Variants in VWC2L observed in about 807,000 individuals in gnomAD.
The protein encoded by VWC2L is von Willebrand factor C domain containing 2 like.
In VWC2L, 10 loss-of-function variants were observed where a neutral mutation model predicts 21.6. The ratio of observed to expected loss-of-function variants is 0.46; its 90% confidence interval spans 0.29 to 0.78. VWC2L has a LOEUF of 0.78. Ranked by LOEUF, VWC2L falls within the 30% of genes least tolerant of loss-of-function variation. The pLI is 0.10. For synonymous variants in VWC2L, 96 were observed against 94.3 expected (o/e 1.02, Z -0.10); for missense variants, 209 against 277.1 (o/e 0.75, Z 1.74).
chr2:214,496,577 G>T (rs1414629541), intron 3 of VWC2L, among the ~76,000 whole-genome samples: 3 of 152,234 alleles, frequency 2.0e-5, no homozygotes, highest in Non-Finnish European at 4.4e-5. Flanking sequence ...CCACATTGGG[G>T]TTTTATTTGA....
At chr2:214,458,648 A>AT in intron 3 of VWC2L, among the ~76,000 whole-genome samples, 1 of 151,720 alleles carries the variant, frequency 6.6e-6, no homozygotes, top group Non-Finnish European at 1.5e-5. Flanking sequence ...CCATTTGAGA[A>AT]TTTTTTCAGT....
intron 2 of VWC2L, among the ~76,000 whole-genome samples, chr2:214,430,600 T>C (rs1244444467): frequency 6.6e-6 from 1 of 152,162 alleles, no homozygotes; most frequent in Non-Finnish European, 1.5e-5. Flanking sequence ...GTTTATTATA[T>C]CTACATGGGC....
chr2:214,442,829 T>C (rs1239962168), intron 3 of VWC2L, among the ~76,000 whole-genome samples: 3 of 152,156 alleles, frequency 2.0e-5, no homozygotes, highest in Non-Finnish European at 4.4e-5. Flanking sequence ...CTTATGATTA[T>C]TAATGGGGAA....
chr2:214,564,602 A>G (rs769613863), intron 3 of VWC2L, among the ~76,000 whole-genome samples: 1 of 152,194 alleles, frequency 6.6e-6, no homozygotes, highest in Non-Finnish European at 1.5e-5. Context: ...AACGGGGAGT[A>G]TTGAAGGCTT....
intron 2 of VWC2L, among the ~76,000 whole-genome samples, chr2:214,425,975 C>A (rs1176415991): frequency 6.6e-6 from 1 of 151,754 alleles, no homozygotes; most frequent in East Asian, 1.9e-4. Context: ...AGTTCAAGAC[C>A]AGCCTGGCCA....
chr2:214,428,207 T>C (rs1439047838), intron 2 of VWC2L, among the ~76,000 whole-genome samples: 1 of 152,330 alleles, frequency 6.6e-6, no homozygotes, highest in South Asian at 2.1e-4. Flanking sequence ...TCACATATTA[T>C]ATAGTTTAGT....
intron 3 of VWC2L, among the ~76,000 whole-genome samples, chr2:214,447,962 C>A (rs776412807): frequency 6.6e-6 from 1 of 151,932 alleles, no homozygotes; most frequent in Admixed American, 6.6e-5. Flanking sequence ...CCCTGCTTGT[C>A]TCAGACCCCA....
chr2:214,420,183 A>T (rs1253702152), intron 2 of VWC2L, among the ~76,000 whole-genome samples: 2 of 152,228 alleles, frequency 1.3e-5, no homozygotes, highest in African/African-American at 4.8e-5. Flanking sequence ...TCACACAGAG[A>T]CAAAAATTTC....
chr2:214,526,529 T>C (rs1420448655), intron 3 of VWC2L, among the ~76,000 whole-genome samples: 1 of 152,206 alleles, frequency 6.6e-6, no homozygotes, highest in Non-Finnish European at 1.5e-5. Context: ...ATCACCTATA[T>C]AAGGACACAA....
intron 3 of VWC2L, among the ~76,000 whole-genome samples, chr2:214,475,638 A>C (rs779338153): frequency 6.6e-6 from 1 of 152,112 alleles, no homozygotes; most frequent in Non-Finnish European, 1.5e-5. Flanking sequence ...GCTCTGGTCA[A>C]TGGTTGTCAT....
chr2:214,449,600 G>A (rs11903521), intron 3 of VWC2L, among the ~76,000 whole-genome samples: 7,728 of 152,244 alleles, frequency 0.051, 609 homozygotes, highest in African/African-American at 0.17. Context: ...TCCAAGAATT[G>A]CTGTGGCAGT....
intron 3 of VWC2L, among the ~76,000 whole-genome samples, chr2:214,556,872 C>T: frequency 6.6e-6 from 1 of 152,188 alleles, no homozygotes; most frequent in East Asian, 1.9e-4. Flanking sequence ...CAAATGCCTG[C>T]CAAAACCTCA....
At chr2:214,437,606 A>C (rs192205419) in intron 3 of VWC2L, among the ~76,000 whole-genome samples, 1 of 152,288 alleles carries the variant, frequency 6.6e-6, no homozygotes, top group Admixed American at 6.5e-5. Flanking sequence ...CTAGCCCCTA[A>C]TTAAGATAAG....
At chr2:214,531,547 G>T (rs560883985) in intron 3 of VWC2L, among the ~76,000 whole-genome samples, 2 of 152,246 alleles carry the variant, frequency 1.3e-5, no homozygotes, top group African/African-American at 4.8e-5. Context: ...CAAGTAAAGT[G>T]TTCTGTTTTT....
chr2:214,526,144 T>C (rs757023200), intron 3 of VWC2L, among the ~76,000 whole-genome samples: 12 of 151,274 alleles, frequency 7.9e-5, no homozygotes, highest in Non-Finnish European at 1.3e-4. Flanking sequence ...GAATAACGTA[T>C]ATATCCACAG....
intron 3 of VWC2L, among the ~76,000 whole-genome samples, chr2:214,510,572 A>G (rs1363443861): frequency 6.6e-6 from 1 of 152,152 alleles, no homozygotes; most frequent in Non-Finnish European, 1.5e-5. Context: ...CCTCTCTCAC[A>G]GTTCTAGGAA....
At chr2:214,471,580 G>A (rs1703311468) in intron 3 of VWC2L, among the ~76,000 whole-genome samples, 1 of 152,178 alleles carries the variant, frequency 6.6e-6, no homozygotes, top group Admixed American at 6.5e-5. Flanking sequence ...TCACATGGCT[G>A]GAAGGTTGTA....
chr2:214,444,032 A>G (rs1036188872), intron 3 of VWC2L, among the ~76,000 whole-genome samples: 1 of 152,146 alleles, frequency 6.6e-6, no homozygotes, highest in Non-Finnish European at 1.5e-5. Flanking sequence ...ATACACATAT[A>G]CATATATAAA....
chr2:214,476,388 A>G (rs189511675), intron 3 of VWC2L, among the ~76,000 whole-genome samples: 2 of 152,336 alleles, frequency 1.3e-5, no homozygotes, highest in African/African-American at 4.8e-5. Context: ...GCTAGTTTTC[A>G]TATAGTAATA....
Sources: gnomAD v4.1 joint callset for allele counts (sites outside exome capture counted in the v4.1 genomes callset) on GRCh38, gnomAD v4.1.1 for gene constraint, MANE v1.5 for transcripts, NCBI Gene and HGNC (gene_info 2026-07-23, HGNC 2026-07-21) for gene names.